Variants in SH3TC2 observed in about 807,000 individuals in gnomAD.
SH3TC2 encodes SH3 domain and tetratricopeptide repeat-containing protein 2.
In SH3TC2, 87 loss-of-function variants were observed where a neutral mutation model predicts 124.5. That is an observed-to-expected ratio of 0.70 (90% CI 0.59 to 0.84). SH3TC2 has a LOEUF of 0.84. Ranked by LOEUF, SH3TC2 falls within the 40% of genes least tolerant of loss-of-function variation. The pLI is 0.00. For synonymous variants in SH3TC2, 634 were observed against 628.5 expected, an observed-to-expected ratio of 1.01 and a Z score of -0.13; for missense variants, 1,536 against 1,566.4, an observed-to-expected ratio of 0.98 and a Z score of 0.33.
chr5:149,036,453 T>C (rs1200476811), intron 8 of SH3TC2, among the ~76,000 whole-genome samples: 5 of 152,236 alleles, frequency 3.3e-5, no homozygotes, highest in African/African-American at 1.2e-4. Flanking sequence ...GCTCTGTAAA[T>C]GGAGGCATCC....
In SH3TC2 at chr5:149,021,361, C is replaced by T. The variant is rs528498562; in HGVS notation, c.3053+5211G>A. ...AATCTCAAATCAATACCTAATATTC[C>T]ACCTTAAGACACTAGACAAAAAGAG... On this transcript the variant is annotated intron_variant, in intron 12 of 16. Coordinates refer to ENST00000515425, the MANE Select transcript of SH3TC2 (RefSeq NM_024577.4). 2.6e-5 allele frequency among the ~76,000 whole-genome samples: 4 copies of T among 152,016 alleles called. No individual in the cohort carries two copies. In the South Asian group the frequency reaches 8.3e-4, roughly 32 times the overall value.
Position 148,988,845 on chromosome 5 carries a change from T to C in SH3TC2, c.*15866A>G, listed in dbSNP as rs1753377413. On this transcript the variant is annotated 3_prime_UTR_variant, in exon 17 of 17. Transcript: ENST00000515425. The stretch of plus-strand genomic sequence containing the variant: ...TTATGTCACTTGTTCCACCTCATGG[T>C]TCAAAAACACGATCCCCATAACTTT... Among the ~76,000 whole-genome samples the C allele has an allele frequency of 6.6e-6, 1 of 152,216 alleles. No homozygotes were observed. The highest frequency in any genetic ancestry group is 1.5e-5 in the Non-Finnish European group (1 of 68,032).
Position 149,027,697 on chromosome 5 carries a change from G to C in SH3TC2, c.2035C>G (p.Leu679Val). ...SEAVASVLSF[L>V]YDKKYLPHLA... The stretch of plus-strand genomic sequence containing the variant: ...TGTGGAAGATATTTCTTGTCATACA[G>C]AAAACTCAAAACACTGGCCACAGCC... The change falls in exon 11 of 17, where the codon CTG (leucine) becomes GTG (valine). Residue 679 changes from leucine to valine, a missense_variant. This residue lies in a region of SH3TC2 where 1,102 missense variants were observed against 1,098.6 expected (regional missense o/e 1.00). Transcript: ENST00000515425. 6.2e-7 allele frequency: 1 copy of C among 1,614,144 alleles called. No individual in the cohort carries two copies. The highest frequency in any genetic ancestry group is 1.3e-5 in the African/African-American group (1 of 75,080).
intron 1 of SH3TC2, among the ~76,000 whole-genome samples, chr5:149,052,877 G>T (rs1012667986): frequency 6.6e-6 from 1 of 152,172 alleles, no homozygotes; most frequent in African/African-American, 2.4e-5. Context: ...AGAAGATGGT[G>T]CACCTATAAA....
rs1465086177 is a variant in SH3TC2 at position 149,027,400 on chromosome 5, G to A, written c.2332C>T (p.His778Tyr). ...AGCACCAAGGCCTGGCTCAGGTAGT[G>A]GATGGCACCGTCAGGAGACCTGTGC... ...LEHRSPDGAI[H>Y]YLSQALVLGQ... Residue 778 changes from histidine to tyrosine, a missense_variant, in exon 11 of 17, where the codon CAC becomes TAC. Physicochemically the swap from His to Tyr is moderately conservative, Grantham distance 83. Transcript: ENST00000515425. 6.2e-7 allele frequency: 1 copy of A among 1,614,016 alleles called. No individual in the cohort carries two copies. Among genetic ancestry groups the A allele is most frequent in the Non-Finnish European group, 8.5e-7 (1 of 1,180,044 alleles).
intron 1 of SH3TC2, among the ~76,000 whole-genome samples, chr5:149,056,032 G>A (rs1407633952): frequency 6.6e-6 from 1 of 152,108 alleles, no homozygotes; most frequent in Non-Finnish European, 1.5e-5. Context: ...CTGTACACAT[G>A]ATTTCATGCA....
At chr5:149,018,293 C>T (rs141224133) in intron 12 of SH3TC2, among the ~76,000 whole-genome samples, 3 of 152,248 alleles carry the variant, frequency 2.0e-5, no homozygotes, top group African/African-American at 4.8e-5. Flanking sequence ...CGCCCCCATG[C>T]CCACCAACCT....
In SH3TC2 at chr5:148,987,809, CTGTG is replaced by C. The variant is rs71957589; in HGVS notation, c.*16898_*16901del. On this transcript the variant is annotated 3_prime_UTR_variant, in exon 17 of 17. Coordinates refer to ENST00000515425, the MANE Select transcript of SH3TC2 (RefSeq NM_024577.4). ...CCTCACTCGAGGCCTCATTCAAAATCTGTGTGTGTGTGTGTGTGTGTGTGTGTGT... is the reference window on the plus strand; with the variant it reads ...CCTCACTCGAGGCCTCATTCAAAATCTGTGTGTGTGTGTGTGTGTGTGTGT... 0.16 allele frequency among the ~76,000 whole-genome samples: 21,156 copies of C among 135,166 alleles called. 1,540 individuals carry two copies. Among genetic ancestry groups the C allele is most frequent in the Non-Finnish European group, 0.18 (11,279 of 63,186 alleles). 88.7% of individuals were successfully genotyped at this position (135,166 alleles called of 152,430 possible).
chr5:149,028,486 A>G lies in SH3TC2; in HGVS notation c.1246T>C (p.Ser416Pro). 1 of 1,612,750 alleles carries G rather than the reference A, an allele frequency of 6.2e-7. No individual in the cohort carries two copies. The highest frequency in any genetic ancestry group is 8.5e-7 in the Non-Finnish European group (1 of 1,179,414). ...TCCTCAGAGCTGCTGGACTGTCTGG[A>G]CCCCACGGCCTGATGCTCCTCCCAG... is the stretch of plus-strand genomic sequence containing the variant. ...RAWEEHQAVGSRQSSSSEDSS... is the reference protein window; with the variant it reads ...RAWEEHQAVGPRQSSSSEDSS... Residue 416 changes from serine (S) to proline (P), a missense_variant, in exon 11 of 17, where the codon TCC (serine) becomes CCC (proline). Ser to Pro is a moderately conservative substitution (Grantham distance 74). Coordinates refer to ENST00000515425, the MANE Select transcript of SH3TC2 (RefSeq NM_024577.4).
intron 12 of SH3TC2, among the ~76,000 whole-genome samples, chr5:149,023,697 C>T (rs542507816): frequency 7.9e-5 from 12 of 151,058 alleles, no homozygotes; most frequent in African/African-American, 2.9e-4. Flanking sequence ...ATTCTCCTGC[C>T]TCAGCTTCCC....
intron 2 of SH3TC2, among the ~76,000 whole-genome samples, chr5:149,049,708 A>G (rs1754524496): frequency 2.0e-5 from 3 of 152,036 alleles, no homozygotes; most frequent in Admixed American, 6.6e-5. Flanking sequence ...GCTTGAGCAC[A>G]GGAGGCTGAG....
intron 1 of SH3TC2, among the ~76,000 whole-genome samples, chr5:149,058,947 G>C (rs894016143): frequency 6.6e-6 from 1 of 152,174 alleles, no homozygotes; most frequent in Non-Finnish European, 1.5e-5. Context: ...ACCAGCTGAA[G>C]AGGTGCTGTG....
intron 2 of SH3TC2, among the ~76,000 whole-genome samples, chr5:149,051,868 C>G (rs2161333): frequency 6.6e-6 from 1 of 152,186 alleles, no homozygotes; most frequent in Non-Finnish European, 1.5e-5. Flanking sequence ...ACCTTCAAAT[C>G]TAATTTATGA....
intron 4 of SH3TC2, among the ~76,000 whole-genome samples, chr5:149,043,180 T>C (rs1309465547): frequency 6.6e-6 from 1 of 152,072 alleles, no homozygotes; most frequent in African/African-American, 2.4e-5. Context: ...ACTATGGGGG[T>C]TCCTAGTGCC....
chr5:149,038,457 T>C lies in SH3TC2; in HGVS notation c.839A>G (p.Glu280Gly). 1 of 1,614,108 alleles carries C rather than the reference T, an allele frequency of 6.2e-7. No homozygotes were observed. Among genetic ancestry groups the C allele is most frequent in the Non-Finnish European group, 8.5e-7 (1 of 1,179,964 alleles). ...RGRCKALTGY[E>G]PGEKDELNFY... ...ATTCAGTTCATCCTTTTCTCCTGGC[T>C]CATAACCCGTCAAGGCCTTACAGCG... Residue 280 changes from glutamate to glycine, a missense_variant, in exon 8 of 17, where the codon GAG becomes GGG. Around this residue, in one of 3 missense-constraint regions of SH3TC2, gnomAD observed 1,102 missense variants for 1,098.6 expected, o/e 1.00. Transcript: ENST00000515425.
chr5:149,028,450 C>A lies in SH3TC2; in HGVS notation c.1282G>T (p.Glu428Ter), dbSNP rs1554121777. The stretch of plus-strand genomic sequence containing the variant: ...GAGGTGGCCGAGAGGAGCTCCTCCT[C>A]CAGGCTGGAGTCCTCAGAGCTGCTG... ...QSSSSEDSSL[E>*]EELLSATSDS... The change falls in exon 11 of 17, where the codon GAG becomes TAG. Residue 428 changes from glutamate (E) to a stop codon, truncating the protein, a stop_gained. Transcript: ENST00000515425. LOFTEE classifies it high-confidence loss of function. The A allele has an allele frequency of 6.2e-7, 1 of 1,613,090 alleles. No homozygotes were observed. Among genetic ancestry groups the A allele is most frequent in the Non-Finnish European group, 8.5e-7 (1 of 1,179,456 alleles).
rs148605893 is a variant in SH3TC2, at chr5:149,024,095, G to A, written c.3053+2477C>T. 2.9e-3 allele frequency among the ~76,000 whole-genome samples: 434 copies of A among 152,250 alleles called. 4 individuals carry two copies. The highest frequency in any genetic ancestry group is 0.01 in the African/African-American group (417 of 41,526). On this transcript the variant is annotated intron_variant, in intron 12 of 16. Transcript: ENST00000515425. Reference sequence around the variant, plus strand: ...TCACGGCACTGTGACTACTGTGCTTGTCACTAAAGACCAAAAAGCCTGCCT... The same window carrying A: ...TCACGGCACTGTGACTACTGTGCTTATCACTAAAGACCAAAAAGCCTGCCT...
chr5:149,004,564 TCTC>T lies in SH3TC2; in HGVS notation c.*144_*146del. 1.2e-6 allele frequency: 1 copy of T among 811,458 alleles called. No homozygotes were observed. 50.3% of individuals were successfully genotyped at this position (811,458 alleles called of 1,614,324 possible). On this transcript the variant is annotated 3_prime_UTR_variant, in exon 17 of 17. Coordinates refer to ENST00000515425, the MANE Select transcript of SH3TC2 (RefSeq NM_024577.4). ...CTTTCTGTGGCCTGCAATGAGCCCT[TCTC>T]CTCCTGGACTTCATTCTTCTTCTTG... is the stretch of plus-strand genomic sequence containing the variant.
intron 12 of SH3TC2, among the ~76,000 whole-genome samples, chr5:149,016,714 A>G (rs6893374): frequency 0.48 from 72,549 of 151,702 alleles, 17,764 homozygotes; most frequent in African/African-American, 0.58. Flanking sequence ...TCACGAGGTC[A>G]GGAGATCGAG....
Sources: allele counts gnomAD v4.1 joint callset (sites outside exome capture counted in the v4.1 genomes callset), GRCh38; gene constraint gnomAD v4.1.1; regional missense constraint gnomAD v4.1.1; transcripts MANE v1.5; gene names NCBI Gene and HGNC (gene_info 2026-07-23, HGNC 2026-07-21).